The following TAFA1 variants were observed in gnomAD, a reference collection of about 807,000 sequenced individuals.
The protein encoded by TAFA1 is TAFA chemokine like family member 1.
TAFA1 carries 4 observed loss-of-function variants against 18.5 expected under a neutral mutation model. The observed-to-expected ratio is 0.22, with a 90% confidence interval of 0.11 to 0.49. The LOEUF is 0.49. Ranked by LOEUF, TAFA1 falls within the 20% of genes least tolerant of loss-of-function variation. TAFA1 has a pLI of 0.98. For missense variants in TAFA1, 147 were observed against 169.0 expected (o/e 0.87, Z 0.72); for synonymous variants, 56 against 55.2 (o/e 1.01, Z -0.06).
intron 2 of TAFA1, among the ~76,000 whole-genome samples, chr3:68,200,326 T>A (rs912650818): frequency 6.6e-6 from 1 of 151,648 alleles, no homozygotes; most frequent in Non-Finnish European, 1.5e-5. Flanking sequence ...TGGTTTTGTA[T>A]TTGGGTGGTG....
intron 4 of TAFA1, among the ~76,000 whole-genome samples, chr3:68,539,307 T>C (rs546199247): frequency 6.6e-6 from 1 of 152,280 alleles, no homozygotes; most frequent in South Asian, 2.1e-4. Flanking sequence ...TCTGTGATGA[T>C]CCGTCAGAGA....
chr3:68,263,348 AT>A (rs1038925448), intron 2 of TAFA1, among the ~76,000 whole-genome samples: 1 of 151,708 alleles, frequency 6.6e-6, no homozygotes, highest in African/African-American at 2.4e-5. Flanking sequence ...ATATTTTGTC[AT>A]TTTTTTGTGG....
intron 2 of TAFA1, among the ~76,000 whole-genome samples, chr3:68,185,958 A>T (rs2066265574): frequency 1.3e-5 from 2 of 152,008 alleles, no homozygotes; most frequent in Non-Finnish European, 2.9e-5. Context: ...AATTTGATAA[A>T]TCCTAACTCA....
intron 2 of TAFA1, among the ~76,000 whole-genome samples, chr3:68,335,520 T>C (rs2068955368): frequency 6.6e-6 from 1 of 152,202 alleles, no homozygotes; most frequent in Non-Finnish European, 1.5e-5. Flanking sequence ...TAAAATGGGT[T>C]TCAGATGCTT....
In TAFA1 at chr3:68,370,777, G is replaced by GT. The variant is rs1249644817; in HGVS notation, c.119-46501dup. ...TTGTTAAACCTCCTCGGGTGTTTTC[G>GT]TTGTTTTTTTTTTTTTTTTTTAATT... On this transcript the variant is annotated intron_variant, in intron 2 of 4. Coordinates refer to ENST00000478136, the MANE Select transcript of TAFA1 (RefSeq NM_213609.4). 9.3e-3 allele frequency among the ~76,000 whole-genome samples: 883 copies of GT among 95,206 alleles called. 12 individuals are homozygous for GT. Among genetic ancestry groups the GT allele is most frequent in the African/African-American group, 0.031 (850 of 27,706 alleles). 62.5% of individuals were successfully genotyped at this position (95,206 alleles called of 152,430 possible). A position where few individuals can be genotyped will look rare whatever the true frequency, so the allele number is the denominator to read the frequency against.
upstream of TAFA1, among the ~76,000 whole-genome samples, chr3:67,999,438 G>A (rs1704260770): frequency 6.6e-6 from 1 of 152,028 alleles, no homozygotes; most frequent in African/African-American, 2.4e-5. Flanking sequence ...CCTTTCTTAG[G>A]TCTTCATCTT....
intron 2 of TAFA1, among the ~76,000 whole-genome samples, chr3:68,148,097 C>A (rs2065764422): frequency 6.6e-6 from 1 of 152,126 alleles, no homozygotes; most frequent in Admixed American, 6.5e-5. Context: ...GTAGAAGAGG[C>A]AGGAGAAACT....
At chr3:68,512,728 T>C (rs1575939057) in intron 3 of TAFA1, among the ~76,000 whole-genome samples, 2 of 151,708 alleles carry the variant, frequency 1.3e-5, no homozygotes, top group African/African-American at 2.4e-5. Flanking sequence ...TTGTTTTTAA[T>C]GTCCAGGACC....
At chr3:68,518,450 A>C (rs2072961478) in intron 3 of TAFA1, among the ~76,000 whole-genome samples, 1 of 152,180 alleles carries the variant, frequency 6.6e-6, no homozygotes, top group Non-Finnish European at 1.5e-5. Flanking sequence ...TATGCACTGA[A>C]ATTTATTAAA....
At chr3:68,479,564 T>A (rs565771733) in intron 3 of TAFA1, among the ~76,000 whole-genome samples, 2 of 152,148 alleles carry the variant, frequency 1.3e-5, no homozygotes, top group Non-Finnish European at 2.9e-5. Flanking sequence ...GTTATTTTCT[T>A]CCTATTAAAG....
At chr3:68,318,797 C>G (rs935609274) in intron 2 of TAFA1, among the ~76,000 whole-genome samples, 2 of 151,962 alleles carry the variant, frequency 1.3e-5, no homozygotes, top group Non-Finnish European at 2.9e-5. Context: ...GCTTATTTAC[C>G]TGAAAAATAA....
chr3:68,474,220 T>A (rs1322834937), intron 3 of TAFA1, among the ~76,000 whole-genome samples: 1 of 152,156 alleles, frequency 6.6e-6, no homozygotes, highest in Admixed American at 6.6e-5. Flanking sequence ...TAAATCAAAG[T>A]TACTAAGATT....
chr3:68,235,672 G>C (rs1019516333), intron 2 of TAFA1, among the ~76,000 whole-genome samples: 22 of 152,170 alleles, frequency 1.4e-4, no homozygotes, highest in African/African-American at 5.1e-4. Flanking sequence ...ATCAAGTATG[G>C]CTGGCCAATC....
At chr3:68,228,697 T>C (rs2066833333) in intron 2 of TAFA1, among the ~76,000 whole-genome samples, 1 of 152,230 alleles carries the variant, frequency 6.6e-6, no homozygotes, top group African/African-American at 2.4e-5. Flanking sequence ...TAGTTCTCAA[T>C]ATATGCAAGT....
At position 68,370,064 on chromosome 3, in the gene TAFA1, G is replaced by A. The variant is rs578158320; in HGVS notation, c.119-47216G>A. On this transcript the variant is annotated intron_variant, in intron 2 of 4. Coordinates refer to ENST00000478136, the MANE Select transcript of TAFA1 (RefSeq NM_213609.4). Reference sequence around the variant, plus strand: ...AGCACTTTGGGAGGCCGAGGCAGGCGGATCACAAGGTCAGGAGATTGAGAC... The same window carrying A: ...AGCACTTTGGGAGGCCGAGGCAGGCAGATCACAAGGTCAGGAGATTGAGAC... 6.8e-4 allele frequency among the ~76,000 whole-genome samples: 103 copies of A among 150,950 alleles called. 2 individuals are homozygous for A. The highest frequency in any genetic ancestry group is 1.1e-3 in the Non-Finnish European group (77 of 67,796).
At chr3:68,394,177 A>G (rs1240684623) in intron 2 of TAFA1, among the ~76,000 whole-genome samples, 3 of 152,214 alleles carry the variant, frequency 2.0e-5, no homozygotes, top group Non-Finnish European at 4.4e-5. Flanking sequence ...ACAGAGCCAA[A>G]TCATGAGTAA....
chr3:68,393,977 C>G (rs2070320931), intron 2 of TAFA1, among the ~76,000 whole-genome samples: 1 of 152,180 alleles, frequency 6.6e-6, no homozygotes, highest in South Asian at 2.1e-4. Flanking sequence ...CCTCTCTCAC[C>G]ACTCCTATTC....
chr3:68,229,338 G>C (rs1479178261), intron 2 of TAFA1, among the ~76,000 whole-genome samples: 5 of 152,118 alleles, frequency 3.3e-5, no homozygotes, highest in Admixed American at 3.3e-4. Context: ...TATATGCTAG[G>C]TGAAAAAGTA....
chr3:68,474,059 C>A (rs1056123889), intron 3 of TAFA1, among the ~76,000 whole-genome samples: 3 of 142,572 alleles, frequency 2.1e-5, no homozygotes, highest in Admixed American at 7.0e-5. Flanking sequence ...ACCCCCCCCC[C>A]CAAGTAAATA....
Sources: allele counts gnomAD v4.1 joint callset (sites outside exome capture counted in the v4.1 genomes callset), GRCh38; gene constraint gnomAD v4.1.1; transcripts MANE v1.5; gene names NCBI Gene and HGNC (gene_info 2026-07-23, HGNC 2026-07-21).